PSMD14: variants seen among roughly 807,000 people sequenced by gnomAD.
The protein encoded by PSMD14 is proteasome 26S subunit, non-ATPase 14, also known as ubiquitin C-terminal hydrolase PSMD14.
A neutral mutation model predicts 41.2 loss-of-function variants in PSMD14; 7 were observed. The ratio of observed to expected loss-of-function variants is 0.17; its 90% CI spans 0.10 to 0.32. The LOEUF (loss-of-function observed/expected upper bound fraction) is 0.32. PSMD14 is among the 10% of genes least tolerant of loss of function. The pLI is 1.00. For synonymous variants in PSMD14, 114 were observed against 122.3 expected (o/e 0.93, Z 0.45); for missense variants, 139 against 375.6 (o/e 0.37, Z 5.21).
At chr2:161,402,204 A>G (rs958669549) in intron 10 of PSMD14, among the ~76,000 whole-genome samples, 2 of 152,136 alleles carry the variant, frequency 1.3e-5, no homozygotes, top group Admixed American at 1.3e-4. Flanking sequence ...TTTCAAATCA[A>G]TTTTCCATTC....
At chr2:161,377,740 A>T (rs935429709) in intron 7 of PSMD14, among the ~76,000 whole-genome samples, 3 of 151,894 alleles carry the variant, frequency 2.0e-5, no homozygotes. Flanking sequence ...GTTTGAATCC[A>T]ACTGTTTCAG....
At position 161,411,686 on chromosome 2, in the gene PSMD14, T is replaced by C. The variant is rs1684028041; in HGVS notation, c.*286T>C. 5.3e-6 allele frequency: 1 copy of C among 189,716 alleles called. No individual in the cohort carries two copies. Among genetic ancestry groups the C allele is most frequent in the Admixed American group, 6.1e-5 (1 of 16,468 alleles). The allele number at this position is 189,716 out of a possible 1,614,324, so 11.8% of individuals were successfully genotyped here. A position where few individuals can be genotyped will look rare whatever the true frequency, so the allele number is the denominator to read the frequency against. ...CAGTAGCACAAATATATTTTGATTG[T>C]CACTTACAAAATAAAATACATTTAC... is the stretch of plus-strand genomic sequence containing the variant. On this transcript the variant is annotated 3_prime_UTR_variant, in exon 12 of 12. Transcript: ENST00000409682.
chr2:161,398,286 G>T (rs1048870083), intron 10 of PSMD14, among the ~76,000 whole-genome samples: 54 of 152,176 alleles, frequency 3.5e-4, no homozygotes, highest in African/African-American at 1.2e-3. Flanking sequence ...ATTCTTCATA[G>T]TATTCTTTTT....
chr2:161,316,086 C>T lies in PSMD14; in HGVS notation c.-137-351C>T, dbSNP rs987218400. 7.2e-5 allele frequency among the ~76,000 whole-genome samples: 11 copies of T among 152,112 alleles called. No individual in the cohort carries two copies. In the South Asian group the frequency reaches 1.2e-3, roughly 17 times the overall value. On this transcript the variant is annotated intron_variant, in intron 1 of 11. Coordinates refer to ENST00000409682, the MANE Select transcript of PSMD14 (RefSeq NM_005805.6). ...CTCCAACTCCTGACCTCAGGTGATC[C>T]GCCCGCGTTGGCCTCCCAAAGTGCT...
chr2:161,329,805 A>G (rs1175230376), intron 3 of PSMD14, among the ~76,000 whole-genome samples: 1 of 152,160 alleles, frequency 6.6e-6, no homozygotes, highest in Admixed American at 6.5e-5. Context: ...AAATTAAGAA[A>G]GGGGTCAGGT....
chr2:161,356,692 G>T (rs1164637378), intron 3 of PSMD14, among the ~76,000 whole-genome samples: 2 of 150,130 alleles, frequency 1.3e-5, no homozygotes, highest in African/African-American at 4.9e-5. Flanking sequence ...TTAAAACACA[G>T]GACTAAATAT....
intron 1 of PSMD14, chr2:161,308,823 T>G (rs1456364663): frequency 6.6e-6 from 1 of 152,582 alleles, no homozygotes; most frequent in Non-Finnish European, 1.5e-5. Context: ...TCTTTTCTGT[T>G]TGGCCGAATT....
intron 3 of PSMD14, among the ~76,000 whole-genome samples, chr2:161,356,186 G>T (rs1231392696): frequency 6.6e-6 from 1 of 152,116 alleles, no homozygotes; most frequent in African/African-American, 2.4e-5. Context: ...ACCTAGCCTT[G>T]CTGGGTTAGG....
In PSMD14 at chr2:161,391,173, C is replaced by A; in HGVS notation, c.640C>A (p.Gln214Lys). The A allele has an allele frequency of 6.6e-7, 1 of 1,519,078 alleles. No individual in the cohort carries two copies. The highest frequency in any genetic ancestry group is 8.8e-7 in the Non-Finnish European group (1 of 1,131,220). The allele number at this position is 1,519,078 out of a possible 1,614,324, so 94.1% of individuals were successfully genotyped here. ...TAACTATCGGAAAAATGAACTGGAACAGAAGGTAAGTTTAAATTTTTATCT... is the reference window on the plus strand; with the variant it reads ...TAACTATCGGAAAAATGAACTGGAAAAGAAGGTAAGTTTAAATTTTTATCT... ...TINYRKNELE[Q>K]KMLLNLHKKS... The change falls in exon 9 of 12, where the codon CAG (glutamine) becomes AAG (lysine). Residue 214 changes from glutamine (Q) to lysine (K), a missense_variant. Physicochemically the swap from Gln to Lys is moderately conservative, Grantham distance 53. Transcript: ENST00000409682.
At chr2:161,365,498 T>C (rs542516215) in intron 3 of PSMD14, among the ~76,000 whole-genome samples, 1 of 152,232 alleles carries the variant, frequency 6.6e-6, no homozygotes, top group East Asian at 1.9e-4. Flanking sequence ...ATTTTGGTGA[T>C]GGTTTGATGT....
intron 10 of PSMD14, among the ~76,000 whole-genome samples, chr2:161,401,133 ATAAG>A (rs1232916839): frequency 2.0e-5 from 3 of 152,110 alleles, no homozygotes; most frequent in Non-Finnish European, 4.4e-5. Context: ...GTATTGATAA[ATAAG>A]TACGGTACTG....
rs537809695 is a variant in PSMD14, at chr2:161,332,893, T to C, written c.48+14020T>C. Among the ~76,000 whole-genome samples the C allele has an allele frequency of 1.8e-4, 28 of 152,326 alleles. No individual in the cohort carries two copies. The South Asian group carries it at 5.4e-3, about 29-fold the overall frequency. On this transcript the variant is annotated intron_variant, in intron 3 of 11. Transcript: ENST00000409682. ...GGCACAGGCAGGTGATGCTCATTGC[T>C]TATGGGCCATGGAGCTGGCACACTT...
chr2:161,314,464 C>T (rs1182916166), intron 1 of PSMD14, among the ~76,000 whole-genome samples: 1 of 152,218 alleles, frequency 6.6e-6, no homozygotes, highest in Non-Finnish European at 1.5e-5. Flanking sequence ...CGCAGTGTGC[C>T]ATTACCACCT....
At chr2:161,339,648 A>G (rs1275846308) in intron 3 of PSMD14, among the ~76,000 whole-genome samples, 5 of 152,278 alleles carry the variant, frequency 3.3e-5, no homozygotes, top group African/African-American at 9.6e-5. Context: ...AGATAGCTCT[A>G]CTAGGAGGGA....
intron 10 of PSMD14, among the ~76,000 whole-genome samples, chr2:161,406,323 T>C (rs1028355580): frequency 6.6e-6 from 1 of 152,194 alleles, no homozygotes; most frequent in Non-Finnish European, 1.5e-5. Flanking sequence ...GATAAACTGT[T>C]AAAAACGTTT....
At position 161,365,412 on chromosome 2, in the gene PSMD14, A is replaced by G. The variant is rs1186349084; in HGVS notation, c.49-2066A>G. Among the ~76,000 whole-genome samples the G allele has an allele frequency of 2.6e-5, 4 of 152,172 alleles. No individual in the cohort carries two copies. The East Asian group carries it at 7.7e-4, about 29-fold the overall frequency. ...AGGCACTTTTCTAAGTACTGGTTATATATATAATATTGAAGAAAATAGTGT... is the reference window on the plus strand; with the variant it reads ...AGGCACTTTTCTAAGTACTGGTTATGTATATAATATTGAAGAAAATAGTGT... On this transcript the variant is annotated intron_variant, in intron 3 of 11. Transcript: ENST00000409682.
intron 3 of PSMD14, among the ~76,000 whole-genome samples, chr2:161,322,978 T>C (rs954950683): frequency 6.6e-6 from 1 of 152,186 alleles, no homozygotes; most frequent in African/African-American, 2.4e-5. Flanking sequence ...CAGATCTCCA[T>C]TGACCCCTTT....
intron 11 of PSMD14, 146 bp downstream of exon 11, chr2:161,409,045 A>G: frequency 1.7e-6 from 1 of 587,720 alleles, no homozygotes; most frequent in Middle Eastern, 3.7e-4. Flanking sequence ...TGTAAAGGTC[A>G]CTAAATTTAT....
intron 3 of PSMD14, among the ~76,000 whole-genome samples, chr2:161,324,437 A>G (rs924241193): frequency 5.3e-5 from 8 of 152,178 alleles, no homozygotes; most frequent in African/African-American, 1.9e-4. Flanking sequence ...GACTAAGGAG[A>G]TGATGTTTGA....
Sources: gnomAD v4.1 joint callset for allele counts (sites outside exome capture counted in the v4.1 genomes callset) on GRCh38, gnomAD v4.1.1 for gene constraint, MANE v1.5 for transcripts, NCBI Gene and HGNC (gene_info 2026-07-23, HGNC 2026-07-21) for gene names.